DNAH9: variants seen among roughly 807,000 people sequenced by gnomAD.
The protein encoded by DNAH9 is DNAH9 variant protein.
A neutral mutation model predicts 471.6 loss-of-function variants in DNAH9; 345 were observed. The ratio of observed to expected loss-of-function variants is 0.73; its 90% CI spans 0.67 to 0.80. The LOEUF (loss-of-function observed/expected upper bound fraction) is 0.80. DNAH9 is among the 30% of genes least tolerant of loss of function. The pLI is 0.00. For missense variants in DNAH9, 5,407 were observed against 5,609.2 expected, an observed-to-expected ratio of 0.96 and a Z score of 1.15; for synonymous variants, 2,093 against 2,123.6, an observed-to-expected ratio of 0.99 and a Z score of 0.40.
Position 11,669,587 on chromosome 17 carries a change from C to T in DNAH9, c.3146C>T (p.Pro1049Leu), listed in dbSNP as rs766626360. The T allele has an allele frequency of 1.1e-5, 17 of 1,614,024 alleles. No homozygotes were observed. Among genetic ancestry groups the T allele is most frequent in the Non-Finnish European group, 1.4e-5 (17 of 1,180,020 alleles). The part of the protein sequence containing the change: ...EIEDHVEDGI[P>L]ENPPLLSQFK... Reference sequence around the variant, plus strand: ...GAAGACCATGTGGAAGATGGCATCCCAGAGAACCCTCCCCTCCTTTCTCAG... The same window carrying T: ...GAAGACCATGTGGAAGATGGCATCCTAGAGAACCCTCCCCTCCTTTCTCAG... Residue 1049 changes from proline to leucine, a missense_variant, in exon 17 of 69, where the codon CCA becomes CTA. Around this residue, in one of 3 missense-constraint regions of DNAH9, gnomAD observed 4,636 missense variants for 4,900.3 expected, o/e 0.95. Coordinates refer to ENST00000262442, the MANE Select transcript of DNAH9 (RefSeq NM_001372.4).
chr17:11,651,248 A>G lies in DNAH9; in HGVS notation c.2277A>G (p.Pro759=), dbSNP rs755796933. The change falls in exon 13 of 69, where the codon CCA becomes CCG. Residue 759 remains proline (P), a synonymous_variant. Coordinates refer to ENST00000262442, the MANE Select transcript of DNAH9 (RefSeq NM_001372.4). ...VMKTLLEVEF[P]LVEEELQNID... ...AAACTCTGCTGGAGGTGGAATTTCC[A>G]TTAGTGGAGGAAGAGCTGCAAAATA... 1.3e-5 allele frequency: 21 copies of G among 1,613,934 alleles called. No individual in the cohort carries two copies. The East Asian group carries it at 4.2e-4, about 33-fold the overall frequency.
intron 43 of DNAH9, among the ~76,000 whole-genome samples, chr17:11,804,744 G>A (rs1428467942): frequency 1.3e-5 from 2 of 151,960 alleles, no homozygotes; most frequent in African/African-American, 4.8e-5. Context: ...CGTGGTGGCA[G>A]GCACCTGTAG....
intron 15 of DNAH9, among the ~76,000 whole-genome samples, chr17:11,665,630 A>G (rs1410044599): frequency 6.6e-6 from 1 of 152,236 alleles, no homozygotes; most frequent in Non-Finnish European, 1.5e-5. Flanking sequence ...TAGCTAGTGA[A>G]TGATGAAATG....
At chr17:11,904,562 CG>C (rs1973520813) in intron 60 of DNAH9, among the ~76,000 whole-genome samples, 1 of 140,742 alleles carries the variant, frequency 7.1e-6, no homozygotes, top group South Asian at 2.2e-4. Flanking sequence ...CTGGTGGAGG[CG>C]GATGTTGCAG....
chr17:11,620,159 G>T (rs2072827253), intron 6 of DNAH9, among the ~76,000 whole-genome samples: 1 of 151,352 alleles, frequency 6.6e-6, no homozygotes, highest in Admixed American at 6.6e-5. Context: ...AGGTTGCAGT[G>T]AGTCGAAATT....
At position 11,854,140 on chromosome 17, in the gene DNAH9, G is replaced by T; in HGVS notation, c.9645G>T (p.Met3215Ile). The T allele has an allele frequency of 6.2e-7, 1 of 1,614,126 alleles. No homozygotes were observed. The highest frequency in any genetic ancestry group is 8.5e-7 in the Non-Finnish European group (1 of 1,180,018). Reference sequence around the variant, plus strand: ...GCTGGAAGGCTGCTAAGGTCACCATGGCCAAAGTGGATGGCTTCCTGGACT... The same window carrying T: ...GCTGGAAGGCTGCTAAGGTCACCATTGCCAAAGTGGATGGCTTCCTGGACT... ...DRSWKAAKVT[M>I]AKVDGFLDSL... Residue 3215 changes from methionine (M) to isoleucine (I), a missense_variant, in exon 50 of 69, where the codon ATG becomes ATT. Physicochemically the swap from Met to Ile is conservative, Grantham distance 10. This residue lies in a region of DNAH9 where 4,636 missense variants were observed against 4,900.3 expected (regional missense o/e 0.95). Transcript: ENST00000262442.
chr17:11,918,406 A>AT (rs1390085328), intron 61 of DNAH9, among the ~76,000 whole-genome samples: 1 of 151,568 alleles, frequency 6.6e-6, no homozygotes, highest in African/African-American at 2.4e-5. Context: ...AATTTTTTGT[A>AT]TTTTTTGTAG....
At position 11,629,813 on chromosome 17, in the gene DNAH9, A is replaced by G. The variant is rs2073033494; in HGVS notation, c.1518+229A>G. Among the ~76,000 whole-genome samples the G allele has an allele frequency of 2.6e-5, 4 of 152,206 alleles. No individual in the cohort carries two copies. In the South Asian group the frequency reaches 8.3e-4, roughly 31 times the overall value. ...AGAAAGATCAAGGAGGCCTCTTCCAACTGTTAACTGCTCCAGACTAATGAC... is the reference window on the plus strand; with the variant it reads ...AGAAAGATCAAGGAGGCCTCTTCCAGCTGTTAACTGCTCCAGACTAATGAC... On this transcript the variant is annotated intron_variant, in intron 7 of 68. Coordinates refer to ENST00000262442, the MANE Select transcript of DNAH9 (RefSeq NM_001372.4).
intron 67 of DNAH9, among the ~76,000 whole-genome samples, chr17:11,945,206 T>C (rs1975067843): frequency 6.6e-6 from 1 of 152,108 alleles, no homozygotes; most frequent in Admixed American, 6.6e-5. Context: ...AAGAGGAAAT[T>C]CTGCTTGAGG....
chr17:11,704,601 G>A (rs1390641078), intron 25 of DNAH9, among the ~76,000 whole-genome samples, 159 bp downstream of exon 25: 2 of 93,630 alleles, frequency 2.1e-5, no homozygotes, highest in African/African-American at 7.7e-5. Flanking sequence ...TTTTTTTTTT[G>A]AGATTGAGTT....
At chr17:11,700,605 T>G (rs980490015) in intron 23 of DNAH9, among the ~76,000 whole-genome samples, 3 of 152,292 alleles carry the variant, frequency 2.0e-5, no homozygotes, top group Non-Finnish European at 4.4e-5. Flanking sequence ...TTTTACAGGG[T>G]TCCACCCTTA....
intron 6 of DNAH9, among the ~76,000 whole-genome samples, chr17:11,628,091 CA>C (rs1310919296): frequency 5.3e-5 from 8 of 152,166 alleles, no homozygotes; most frequent in Admixed American, 2.0e-4. Context: ...AAATGTTGGC[CA>C]AAATGACACA....
chr17:11,719,563 C>T (rs190930407), intron 27 of DNAH9, 73 bp downstream of exon 27: 25 of 1,422,130 alleles, frequency 1.8e-5, no homozygotes, highest in African/African-American at 5.6e-5. Flanking sequence ...AAGGCTAAGA[C>T]GCATCCGTGC....
chr17:11,748,714 T>A (rs1362750322), intron 32 of DNAH9, among the ~76,000 whole-genome samples: 1 of 151,980 alleles, frequency 6.6e-6, no homozygotes. Flanking sequence ...CAATAGACAT[T>A]GTAAAGGGTC....
chr17:11,652,805 C>A lies in DNAH9; in HGVS notation c.2398C>A (p.Leu800Ile), dbSNP rs1237523166. Residue 800 changes from leucine to isoleucine, a missense_variant, in exon 14 of 69, where the codon CTT (leucine) becomes ATT (isoleucine). Physicochemically the swap from Leu to Ile is conservative, Grantham distance 5. Transcript: ENST00000262442. ...VTEITSSIHD[L>I]EQRIQKTKDN... ...TGAAATCACCAGTAGTATTCATGAT[C>A]TTGAACAAAGAATTCAGAAAACTAA... The A allele has an allele frequency of 6.2e-7, 1 of 1,613,260 alleles. No individual in the cohort carries two copies. Among genetic ancestry groups the A allele is most frequent in the South Asian group, 1.1e-5 (1 of 91,042 alleles).
chr17:11,598,820 C>A lies in DNAH9; in HGVS notation c.322C>A (p.Pro108Thr), dbSNP rs757449453. 147 of 1,493,634 alleles carry A rather than the reference C, an allele frequency of 9.8e-5. No homozygotes were observed. Among genetic ancestry groups the A allele is most frequent in the Non-Finnish European group, 1.3e-4 (143 of 1,125,804 alleles). The allele number at this position is 1,493,634 out of a possible 1,614,324, so 92.5% of individuals were successfully genotyped here. Residue 108 changes from proline to threonine, a missense_variant, in exon 1 of 69, where the codon CCC becomes ACC. Pro to Thr is a conservative substitution (Grantham distance 38). Around this residue, in one of 3 missense-constraint regions of DNAH9, gnomAD observed 767 missense variants for 692.5 expected, o/e 1.11. Transcript: ENST00000262442. ...AKALFFLRTG[P>T]EPPGPDSFRG... Reference sequence around the variant, plus strand: ...GGCGCTTTTTTTCCTTCGCACCGGGCCCGAGCCTCCAGGGCCCGACAGCTT... The same window carrying A: ...GGCGCTTTTTTTCCTTCGCACCGGGACCGAGCCTCCAGGGCCCGACAGCTT...
At chr17:11,817,063 A>AT (rs1970124405) in intron 45 of DNAH9, among the ~76,000 whole-genome samples, 8 of 151,600 alleles carry the variant, frequency 5.3e-5, no homozygotes, top group African/African-American at 1.7e-4. Context: ...CTCAAAAAAA[A>AT]AAATAATAAT....
At chr17:11,835,163 A>G (rs1371055080) in intron 49 of DNAH9, among the ~76,000 whole-genome samples, 3 of 152,218 alleles carry the variant, frequency 2.0e-5, no homozygotes, top group East Asian at 1.9e-4. Context: ...TACTTCATGT[A>G]TGAGAAAACC....
At position 11,608,128 on chromosome 17, in the gene DNAH9, GGTT is replaced by G; in HGVS notation, c.421_423del (p.Val141del). ...TTCTTTCCTGTGCACCTCTGTTCCA[GGTT>G]GTTCTACCCGTCCTGGCCAATGAGA... is the stretch of plus-strand genomic sequence containing the variant. On this transcript the variant is annotated inframe_deletion and splice_region_variant, in exon 2 of 69. Transcript: ENST00000262442. 1 of 1,587,890 alleles carries G rather than the reference GGTT, an allele frequency of 6.3e-7. No individual in the cohort carries two copies.
Sources: allele counts gnomAD v4.1 joint callset (sites outside exome capture counted in the v4.1 genomes callset), GRCh38; gene constraint gnomAD v4.1.1; regional missense constraint gnomAD v4.1.1; transcripts MANE v1.5; gene names NCBI Gene and HGNC (gene_info 2026-07-23, HGNC 2026-07-21).